The following PCDH15 variants were observed in gnomAD, a reference collection of about 807,000 sequenced individuals.
PCDH15 encodes the protein protocadherin related 15.
PCDH15 carries 129 observed loss-of-function variants against 178.5 expected under a neutral mutation model. That is an observed-to-expected ratio of 0.72 (90% CI 0.63 to 0.84). The LOEUF is 0.84. Ranked by LOEUF, PCDH15 falls within the 40% of genes least tolerant of loss-of-function variation. PCDH15 has a pLI of 0.00. For synonymous variants in PCDH15, 800 were observed against 732.0 expected (o/e 1.09, Z -1.50); for missense variants, 2,230 against 2,099.9 (o/e 1.06, Z -1.21).
chr10:54,642,090 G>A (rs1320333402), intron 2 of PCDH15, among the ~76,000 whole-genome samples: 2 of 150,970 alleles, frequency 1.3e-5, no homozygotes, highest in African/African-American at 2.4e-5. Context: ...ATAAGGAGGT[G>A]GGCTCTTTGG....
chr10:54,480,212 ATAAT>A (rs2078613882), intron 3 of PCDH15, among the ~76,000 whole-genome samples: 1 of 152,118 alleles, frequency 6.6e-6, no homozygotes, highest in Admixed American at 6.6e-5. Context: ...AAATAATTAC[ATAAT>A]TAAATACTTA....
chr10:54,731,105 G>T (rs1943266877), intron 1 of PCDH15, among the ~76,000 whole-genome samples: 1 of 151,260 alleles, frequency 6.6e-6, no homozygotes, highest in Admixed American at 6.6e-5. Context: ...GATCTGAAAA[G>T]ACATTTTTCT....
intron 18 of PCDH15, among the ~76,000 whole-genome samples, chr10:54,049,076 A>G (rs184712905): frequency 3.7e-4 from 56 of 152,204 alleles, no homozygotes; most frequent in Admixed American, 1.2e-3. Context: ...CCTTGTAGCA[A>G]TCTTCCACTT....
intron 2 of PCDH15, among the ~76,000 whole-genome samples, chr10:54,611,081 C>A (rs775731076): frequency 6.6e-6 from 1 of 151,648 alleles, no homozygotes; most frequent in Non-Finnish European, 1.5e-5. Context: ...ACAATATAGT[C>A]CACAAAACTC....
intron 1 of PCDH15, among the ~76,000 whole-genome samples, chr10:55,230,729 T>C (rs1020676291): frequency 6.6e-6 from 1 of 151,942 alleles, no homozygotes; most frequent in Non-Finnish European, 1.5e-5. Context: ...AAGTAGAAAA[T>C]TTTATGCTCG....
intron 3 of PCDH15, among the ~76,000 whole-genome samples, chr10:54,518,496 C>T (rs1383811178): frequency 1.3e-5 from 2 of 152,058 alleles, no homozygotes; most frequent in Non-Finnish European, 2.9e-5. Context: ...ATACACCCCC[C>T]CAAGACTAAA....
chr10:55,404,917 G>A (rs1838160538), intron 2 of PCDH15, among the ~76,000 whole-genome samples: 1 of 151,774 alleles, frequency 6.6e-6, no homozygotes, highest in African/African-American at 2.4e-5. Flanking sequence ...AAATATATCT[G>A]AAGTCATATG....
At chr10:54,680,428 T>C (rs541581846) in intron 1 of PCDH15, among the ~76,000 whole-genome samples, 1 of 152,306 alleles carries the variant, frequency 6.6e-6, no homozygotes, top group South Asian at 2.1e-4. Context: ...TTGTTTGAAA[T>C]GTATTGCTTC....
chr10:54,299,594 T>C (rs1345820792), intron 8 of PCDH15, among the ~76,000 whole-genome samples: 1 of 152,148 alleles, frequency 6.6e-6, no homozygotes, highest in East Asian at 1.9e-4. Flanking sequence ...CCAGCAGGTT[T>C]CCAAACAGGG....
chr10:54,417,258 C>T (rs978576047), intron 3 of PCDH15, among the ~76,000 whole-genome samples: 13 of 152,084 alleles, frequency 8.5e-5, no homozygotes, highest in African/African-American at 2.4e-4. Context: ...ACACTTACGT[C>T]GATCTACTTT....
intron 1 of PCDH15, among the ~76,000 whole-genome samples, chr10:54,696,304 G>T (rs2135873596): frequency 6.6e-6 from 1 of 152,206 alleles, no homozygotes; most frequent in African/African-American, 2.4e-5. Context: ...AGAATTAGAA[G>T]TGGAGCCTAA....
At chr10:55,169,728 T>C (rs771230495) in intron 1 of PCDH15, among the ~76,000 whole-genome samples, 4 of 152,176 alleles carry the variant, frequency 2.6e-5, no homozygotes, top group Non-Finnish European at 4.4e-5. Flanking sequence ...GTTGTAGGCA[T>C]TTATATTACT....
intron 2 of PCDH15, among the ~76,000 whole-genome samples, chr10:55,097,069 G>A (rs922033541): frequency 1.3e-5 from 2 of 152,006 alleles, no homozygotes; most frequent in African/African-American, 4.8e-5. Context: ...AAACTATACT[G>A]TTATGCCTCT....
rs1842546249 is a variant in PCDH15, at chr10:55,578,713, A to G, written c.-156+48912T>C. The stretch of plus-strand genomic sequence containing the variant: ...AGGAAAGAGGTCTAATTGACTCACA[A>G]TTCCACATGGCTGGGGAGTCCTCAC... On this transcript the variant is annotated intron_variant, in intron 2 of 5. Coordinates refer to the PCDH15 transcript ENST00000613346. Among the ~76,000 whole-genome samples the G allele has an allele frequency of 3.3e-5, 5 of 152,292 alleles. No individual in the cohort carries two copies. In the South Asian group the frequency reaches 1.0e-3, roughly 32 times the overall value.
At chr10:54,526,449 T>A (rs569802542) in intron 3 of PCDH15, among the ~76,000 whole-genome samples, 1 of 152,296 alleles carries the variant, frequency 6.6e-6, no homozygotes, top group South Asian at 2.1e-4. Context: ...AAATATAGAT[T>A]TCTTTCTTTA....
At chr10:54,284,243 G>A (rs144520348) in intron 8 of PCDH15, among the ~76,000 whole-genome samples, 20 of 152,252 alleles carry the variant, frequency 1.3e-4, no homozygotes, top group African/African-American at 4.3e-4. Flanking sequence ...ATGTATCTAC[G>A]CATGGATGTC....
At chr10:54,463,054 T>A (rs1287730876) in intron 3 of PCDH15, among the ~76,000 whole-genome samples, 17 of 152,134 alleles carry the variant, frequency 1.1e-4, no homozygotes, top group Admixed American at 1.1e-3. Context: ...AAGCTCGTTA[T>A]AAGATCAATC....
intron 3 of PCDH15, among the ~76,000 whole-genome samples, chr10:54,883,863 A>G (rs1361338323): frequency 6.6e-6 from 1 of 152,006 alleles, no homozygotes; most frequent in Admixed American, 6.6e-5. Flanking sequence ...CACAAACATT[A>G]AATTGGTTTT....
chr10:54,590,418 G>T (rs921527204), intron 2 of PCDH15, among the ~76,000 whole-genome samples: 6 of 152,228 alleles, frequency 3.9e-5, no homozygotes, highest in African/African-American at 1.4e-4. Flanking sequence ...GATGACTTTT[G>T]TAATTTTCTG....
Sources: gnomAD v4.1 joint callset for allele counts (sites outside exome capture counted in the v4.1 genomes callset) on GRCh38, gnomAD v4.1.1 for gene constraint, MANE v1.5 for transcripts, NCBI Gene and HGNC (gene_info 2026-07-23, HGNC 2026-07-21) for gene names.